TMEM132B: variants seen among roughly 807,000 people sequenced by gnomAD.
TMEM132B encodes the protein transmembrane protein 132B.
A neutral mutation model predicts 90.8 loss-of-function variants in TMEM132B; 18 were observed. That is an observed-to-expected ratio of 0.20 (90% CI 0.14 to 0.29). The LOEUF is 0.29. Ranked by LOEUF, TMEM132B falls within the 10% of genes least tolerant of loss-of-function variation. TMEM132B has a pLI of 1.00. For missense variants in TMEM132B, 1,096 were observed against 1,326.8 expected, an observed-to-expected ratio of 0.83 and a Z score of 2.70; for synonymous variants, 504 against 523.3, an observed-to-expected ratio of 0.96 and a Z score of 0.50.
intron 1 of TMEM132B, among the ~76,000 whole-genome samples, chr12:125,222,374 T>C (rs1315793825): frequency 1.3e-5 from 2 of 152,158 alleles, no homozygotes; most frequent in Non-Finnish European, 2.9e-5. Flanking sequence ...ACTATAATGC[T>C]GGGGTGGGTC....
chr12:125,428,821 T>C (rs1880410113), intron 3 of TMEM132B, among the ~76,000 whole-genome samples: 1 of 152,220 alleles, frequency 6.6e-6, no homozygotes, highest in Admixed American at 6.5e-5. Context: ...TTTTCATAGG[T>C]ACAGGCACAC....
At chr12:125,554,812 C>A (rs2136772454) in intron 4 of TMEM132B, among the ~76,000 whole-genome samples, 1 of 152,270 alleles carries the variant, frequency 6.6e-6, no homozygotes, top group African/African-American at 2.4e-5. Flanking sequence ...TCTATGACTA[C>A]ATTTACAGTT....
chr12:125,284,562 G>A (rs1875294806), intron 1 of TMEM132B, among the ~76,000 whole-genome samples: 1 of 152,090 alleles, frequency 6.6e-6, no homozygotes, highest in African/African-American at 2.4e-5. Flanking sequence ...GGTCTTCCAT[G>A]CCAGTTTGCG....
In TMEM132B at chr12:125,458,664, C is replaced by A. The variant is rs142291049; in HGVS notation, c.1106+42987C>A. ...CATCCATGCGGCCAGCGTCCGTGTCCCCTGCCTCTGAGAATGGCCAGGGCT... is the reference window on the plus strand; with the variant it reads ...CATCCATGCGGCCAGCGTCCGTGTCACCTGCCTCTGAGAATGGCCAGGGCT... On this transcript the variant is annotated intron_variant, in intron 3 of 8. Coordinates refer to ENST00000682704, the MANE Select transcript of TMEM132B (RefSeq NM_001366854.1). This position sits in a 1 kb window ranked among gnomAD's most constrained non-coding sequence, Gnocchi z 4.9. Among the ~76,000 whole-genome samples, 250 of 152,274 alleles carry A rather than the reference C, an allele frequency of 1.6e-3. 2 individuals are homozygous for A. The highest frequency in any genetic ancestry group is 5.8e-3 in the African/African-American group (240 of 41,556).
chr12:125,430,971 C>T (rs1291143445), intron 3 of TMEM132B, among the ~76,000 whole-genome samples: 2 of 152,040 alleles, frequency 1.3e-5, no homozygotes, highest in Admixed American at 6.5e-5. Flanking sequence ...GAGCATCTCC[C>T]CAGAGTCCCT....
chr12:125,234,793 C>T (rs1156373261), intron 1 of TMEM132B, among the ~76,000 whole-genome samples: 2 of 152,138 alleles, frequency 1.3e-5, no homozygotes, highest in South Asian at 2.1e-4. Context: ...CTTCTCTGCT[C>T]ACTGGGAGGC....
chr12:125,191,565 TG>T (rs1451395205), intron 1 of TMEM132B, among the ~76,000 whole-genome samples: 1 of 152,124 alleles, frequency 6.6e-6, no homozygotes, highest in Non-Finnish European at 1.5e-5. Flanking sequence ...TCCCAGGTGG[TG>T]GGTAGTCGTT....
intron 1 of TMEM132B, among the ~76,000 whole-genome samples, chr12:125,248,733 G>T (rs1459856178): frequency 6.6e-6 from 1 of 152,186 alleles, no homozygotes; most frequent in African/African-American, 2.4e-5. Flanking sequence ...GGTCAGGGGA[G>T]TGGGGTATGG....
In TMEM132B at chr12:125,492,622, G is replaced by A. The variant is rs984820131; in HGVS notation, c.1107-26817G>A. On this transcript the variant is annotated intron_variant, in intron 3 of 8. Transcript: ENST00000682704. This position sits in a 1 kb window ranked among gnomAD's most constrained non-coding sequence, Gnocchi z 5.8. ...GGTGAGGAGGCTACGGCAGCCTCGG[G>A]TCCCAGCAGGGCAGGCATGGGGTCT... Among the ~76,000 whole-genome samples the A allele has an allele frequency of 3.3e-5, 5 of 152,150 alleles. No individual in the cohort carries two copies. The highest frequency in any genetic ancestry group is 1.2e-4 in the African/African-American group (5 of 41,432).
chr12:125,316,050 G>A (rs1049163170), intron 1 of TMEM132B, among the ~76,000 whole-genome samples: 13 of 152,168 alleles, frequency 8.5e-5, no homozygotes, highest in Admixed American at 6.5e-5. Context: ...TGGATACTGA[G>A]TTCCCTGAAT....
intron 1 of TMEM132B, among the ~76,000 whole-genome samples, chr12:125,298,672 T>TC (rs1875732874): frequency 3.2e-5 from 1 of 31,180 alleles, no homozygotes; most frequent in Admixed American, 2.9e-4. Flanking sequence ...AGACTCTGTC[T>TC]CAAAAAAAAA....
intron 1 of TMEM132B, among the ~76,000 whole-genome samples, chr12:125,197,215 C>T (rs12578774): frequency 0.25 from 38,492 of 151,966 alleles, 5,335 homozygotes; most frequent in East Asian, 0.47. Context: ...CCATGGAAAT[C>T]GCTAAGATTA....
intron 1 of TMEM132B, among the ~76,000 whole-genome samples, chr12:125,320,284 C>T (rs1470265046): frequency 2.6e-5 from 4 of 152,218 alleles, no homozygotes; most frequent in Non-Finnish European, 5.9e-5. Flanking sequence ...TGCTGGCCTA[C>T]GTTAAATTTA....
chr12:125,518,075 C>T (rs1299206264), intron 3 of TMEM132B, among the ~76,000 whole-genome samples: 1 of 152,186 alleles, frequency 6.6e-6, no homozygotes, highest in Non-Finnish European at 1.5e-5. Context: ...TGCCCATGAC[C>T]TATTCTATGT....
At chr12:125,206,131 T>G (rs1462380619) in intron 1 of TMEM132B, among the ~76,000 whole-genome samples, 1 of 152,150 alleles carries the variant, frequency 6.6e-6, no homozygotes, top group South Asian at 2.1e-4. Context: ...CTCCCTTAGC[T>G]TTTTTCGCTT....
intron 3 of TMEM132B, among the ~76,000 whole-genome samples, chr12:125,508,585 T>C (rs183623115): frequency 1.1e-4 from 17 of 152,146 alleles, no homozygotes; most frequent in African/African-American, 4.1e-4. Context: ...TCCAGGACCA[T>C]GGTCTCATTA....
chr12:125,589,460 T>C (rs1327722781), intron 5 of TMEM132B, among the ~76,000 whole-genome samples: 8 of 109,958 alleles, frequency 7.3e-5, no homozygotes, highest in East Asian at 2.9e-4. Context: ...CCAGCCCGGG[T>C]GACAGAGCGA....
At chr12:125,639,134 G>C (rs1335271334) in intron 5 of TMEM132B, among the ~76,000 whole-genome samples, 1 of 152,060 alleles carries the variant, frequency 6.6e-6, no homozygotes, top group Non-Finnish European at 1.5e-5. Flanking sequence ...ATTTTGCTAT[G>C]TCATCCTGTC....
intron 1 of TMEM132B, among the ~76,000 whole-genome samples, chr12:125,206,047 A>C (rs1315066215): frequency 6.6e-6 from 1 of 152,082 alleles, no homozygotes; most frequent in Non-Finnish European, 1.5e-5. Context: ...ATTCTTCAGA[A>C]AGGCTGTGAG....
Sources: allele counts gnomAD v4.1 joint callset (sites outside exome capture counted in the v4.1 genomes callset), GRCh38; gene constraint gnomAD v4.1.1; non-coding constraint Gnocchi (gnomAD v3.1); transcripts MANE v1.5; gene names NCBI Gene and HGNC (gene_info 2026-07-23, HGNC 2026-07-21).